The following RASGEF1B variants were observed in gnomAD, a reference collection of about 807,000 sequenced individuals.
RASGEF1B encodes RasGEF domain family member 1B, also known as ras-GEF domain-containing family member 1B.
A neutral mutation model predicts 65.7 loss-of-function variants in RASGEF1B; 30 were observed. That is an observed-to-expected ratio of 0.46 (90% CI 0.34 to 0.62). The LOEUF is 0.62. Among genes scored for constraint, RASGEF1B ranks in the 20% least tolerant of loss-of-function variants. RASGEF1B has a pLI of 0.01. For synonymous variants in RASGEF1B, 175 were observed against 194.8 expected (o/e 0.90, Z 0.85); for missense variants, 495 against 580.1 (o/e 0.85, Z 1.51).
chr4:81,442,517 A>G, intron 8 of RASGEF1B, 141 bp from the exon 9 acceptor site: 1 of 630,566 alleles, frequency 1.6e-6, no homozygotes, highest in Non-Finnish European at 2.8e-6. Context: ...CAATTTTATA[A>G]CTTTTTTTGT....
chr4:81,459,179 A>G (rs1722553800), intron 2 of RASGEF1B, 153 bp downstream of exon 2: 2 of 638,356 alleles, frequency 3.1e-6, no homozygotes, highest in Non-Finnish European at 5.3e-6. Context: ...GCTCGATTTG[A>G]TTTCAATGCA....
intron 13 of RASGEF1B, among the ~76,000 whole-genome samples, chr4:81,431,319 A>G (rs189156190): frequency 6.6e-6 from 1 of 151,346 alleles, no homozygotes; most frequent in African/African-American, 2.4e-5. Flanking sequence ...CATCAGCCCA[A>G]CAAGCCTGTT....
intron 5 of RASGEF1B, 72 bp from the exon 6 acceptor site, chr4:81,447,650 G>A (rs1722080477): frequency 1.8e-6 from 2 of 1,104,946 alleles, no homozygotes; most frequent in African/African-American, 3.1e-5. Flanking sequence ...CTCCCTCTAT[G>A]ACTATTGGCA....
At position 81,433,958 on chromosome 4, in the gene RASGEF1B, A is replaced by T; in HGVS notation, c.1206T>A (p.Phe402Leu). 6.2e-7 allele frequency: 1 copy of T among 1,612,994 alleles called. No individual in the cohort carries two copies. Among genetic ancestry groups the T allele is most frequent in the Non-Finnish European group, 8.5e-7 (1 of 1,179,330 alleles). ...LPNGHVNFEK[F>L]WELAKQVSEF... ...CACTCACTTGTTTGGCCAGTTCCCA[A>T]AATTTCTGGAAGATAAGTAAAAAAA... The change falls in exon 12 of 14, where the codon TTT becomes TTA. Residue 402 changes from phenylalanine (F) to leucine (L), a missense_variant. Phe to Leu is a conservative substitution (Grantham distance 22). Coordinates refer to ENST00000264400, the MANE Select transcript of RASGEF1B (RefSeq NM_152545.3).
chr4:81,446,211 C>T (rs2109979394), intron 6 of RASGEF1B, among the ~76,000 whole-genome samples: 1 of 152,260 alleles, frequency 6.6e-6, no homozygotes, highest in South Asian at 2.1e-4. Context: ...CCCGTCTCTA[C>T]TAAATATACA....
intron 1 of RASGEF1B, among the ~76,000 whole-genome samples, chr4:81,460,284 C>T (rs1032461142): frequency 3.3e-5 from 5 of 152,194 alleles, no homozygotes; most frequent in African/African-American, 1.2e-4. Context: ...TCACAAAGGC[C>T]TTGTCAGAGG....
rs1244459549 is a variant in RASGEF1B at position 81,466,953 on chromosome 4, AAAG to A, written c.-7+4814_-7+4816del. 1.5e-5 allele frequency among the ~76,000 whole-genome samples: 2 copies of A among 135,152 alleles called. 1 individual carries two copies. The highest frequency in any genetic ancestry group is 3.0e-5 in the Non-Finnish European group (2 of 67,316). The allele number at this position is 135,152 out of a possible 152,430, so 88.7% of individuals were successfully genotyped here. ...TTACCTCCTTAAAAAAAAAAAAAAA[AAAG>A]AAAAAAAAGGTATTGTATTGAGAGG... On this transcript the variant is annotated intron_variant, in intron 1 of 13. Coordinates refer to ENST00000264400, the MANE Select transcript of RASGEF1B (RefSeq NM_152545.3).
chr4:81,457,429 G>A, intron 3 of RASGEF1B, 70 bp downstream of exon 3: 1 of 1,546,966 alleles, frequency 6.5e-7, no homozygotes, highest in South Asian at 1.2e-5. Flanking sequence ...GTTACTTAAG[G>A]AACCAACTTC....
At chr4:81,454,654 C>T (rs1421615751) in intron 4 of RASGEF1B, 8 of 152,308 alleles carry the variant, frequency 5.3e-5, no homozygotes, top group African/African-American at 1.9e-4. Flanking sequence ...TCAATTCATA[C>T]CTGGCTAGAA....
chr4:81,451,059 C>G (rs1211925139), intron 4 of RASGEF1B: 1 of 152,164 alleles, frequency 6.6e-6, no homozygotes, highest in African/African-American at 2.4e-5. Flanking sequence ...CATATACTAT[C>G]CAGGGTAGAA....
chr4:81,430,117 T>C (rs1281322286), intron 13 of RASGEF1B, among the ~76,000 whole-genome samples: 2 of 152,070 alleles, frequency 1.3e-5, no homozygotes, highest in African/African-American at 2.4e-5. Context: ...CTGGCTAACA[T>C]GGTGAAACCC....
At chr4:81,432,893 A>G (rs1409385349) in intron 12 of RASGEF1B, among the ~76,000 whole-genome samples, 2 of 152,090 alleles carry the variant, frequency 1.3e-5, no homozygotes, top group Non-Finnish European at 2.9e-5. Flanking sequence ...TATAGAGATT[A>G]AAAACAAATC....
chr4:81,448,340 G>T (rs28409763), intron 4 of RASGEF1B, 56 bp from the exon 5 acceptor site: 541,098 of 1,451,252 alleles, frequency 0.37, 107,978 homozygotes, highest in African/African-American at 0.74. Flanking sequence ...TTTGCCACTA[G>T]GCAAACTCAG....
In RASGEF1B at chr4:81,440,945, A is replaced by G. The variant is rs1304472160; in HGVS notation, c.1009-16T>C. 2.7e-6 allele frequency: 4 copies of G among 1,468,478 alleles called. No individual in the cohort carries two copies. Among genetic ancestry groups the G allele is most frequent in the Non-Finnish European group, 3.8e-6 (4 of 1,051,186 alleles). 91.0% of individuals were successfully genotyped at this position (1,468,478 alleles called of 1,614,324 possible). A position where few individuals can be genotyped will look rare whatever the true frequency, so the allele number is the denominator to read the frequency against. On this transcript the variant is annotated splice_polypyrimidine_tract_variant and intron_variant, in intron 9 of 13. Coordinates refer to ENST00000264400, the MANE Select transcript of RASGEF1B (RefSeq NM_152545.3). Reference sequence around the variant, plus strand: ...CCATCTGATGCTATAGATAAAAGAGAGAAGAATATTAACTATTTATTTATT... The same window carrying G: ...CCATCTGATGCTATAGATAAAAGAGGGAAGAATATTAACTATTTATTTATT...
chr4:81,465,694 C>T (rs777563225), intron 1 of RASGEF1B, among the ~76,000 whole-genome samples: 2 of 152,302 alleles, frequency 1.3e-5, no homozygotes, highest in Admixed American at 6.5e-5. Flanking sequence ...TTTGAATTAG[C>T]GACTGCTTTT....
At chr4:81,453,610 C>A (rs1486786476) in intron 4 of RASGEF1B, 1 of 152,144 alleles carries the variant, frequency 6.6e-6, no homozygotes, top group Non-Finnish European at 1.5e-5. Context: ...TATCATTACT[C>A]ATCACAGAGT....
rs1721272316 is a variant in RASGEF1B, at chr4:81,427,644, C to T, written c.*124G>A. Reference sequence around the variant, plus strand: ...AGTGAGCTTGTGTGCTTTGCTGACCCGGGTGCTCCAATGACTGCAGGGTCT... The same window carrying T: ...AGTGAGCTTGTGTGCTTTGCTGACCTGGGTGCTCCAATGACTGCAGGGTCT... On this transcript the variant is annotated 3_prime_UTR_variant, in exon 14 of 14. Coordinates refer to ENST00000264400, the MANE Select transcript of RASGEF1B (RefSeq NM_152545.3). 5.0e-6 allele frequency: 5 copies of T among 1,008,934 alleles called. No homozygotes were observed. Among genetic ancestry groups the T allele is most frequent in the East Asian group, 5.1e-5 (2 of 39,220 alleles). 62.5% of individuals were successfully genotyped at this position (1,008,934 alleles called of 1,614,324 possible).
intron 4 of RASGEF1B, chr4:81,450,794 T>C (rs1722231886): frequency 6.6e-6 from 1 of 151,942 alleles, no homozygotes; most frequent in Non-Finnish European, 1.5e-5. Context: ...GCCAGGGAGG[T>C]TGACGCTATG....
chr4:81,448,760 C>A (rs1225927022), intron 4 of RASGEF1B, among the ~76,000 whole-genome samples: 1 of 152,112 alleles, frequency 6.6e-6, no homozygotes, highest in African/African-American at 2.4e-5. Context: ...GGCTACCTAA[C>A]AGAAATATAC....
Sources: allele counts gnomAD v4.1 joint callset (sites outside exome capture counted in the v4.1 genomes callset), GRCh38; gene constraint gnomAD v4.1.1; transcripts MANE v1.5; gene names NCBI Gene and HGNC (gene_info 2026-07-23, HGNC 2026-07-21).